Variants in PXDNL observed in about 807,000 individuals in gnomAD.
PXDNL encodes peroxidasin like.
Under a neutral mutation model 150.8 loss-of-function variants are expected in PXDNL, and 145 were observed. The observed-to-expected ratio is 0.96, with a 90% CI of 0.84 to 1.10. The LOEUF (loss-of-function observed/expected upper bound fraction) is 1.10. Among genes scored for constraint, PXDNL ranks in the 50% least tolerant of loss-of-function variants. PXDNL has a pLI of 0.00. For synonymous variants in PXDNL, 757 were observed against 725.7 expected (o/e 1.04, Z -0.69); for missense variants, 2,087 against 1,873.9 (o/e 1.11, Z -2.10).
chr8:51,361,065 G>A (rs1204940405), intron 19 of PXDNL, among the ~76,000 whole-genome samples: 1 of 152,182 alleles, frequency 6.6e-6, no homozygotes, highest in Non-Finnish European at 1.5e-5. Context: ...ATCCCTGCCA[G>A]GCCCACTGTG....
intron 3 of PXDNL, among the ~76,000 whole-genome samples, chr8:51,558,906 G>A (rs1002937415): frequency 6.6e-5 from 10 of 152,046 alleles, no homozygotes; most frequent in South Asian, 2.1e-4. Context: ...AATTATCAAC[G>A]GGCAGCCAAA....
chr8:51,453,810 G>T (rs771645867), intron 9 of PXDNL, 25 bp from the exon 10 acceptor site: 6 of 1,607,546 alleles, frequency 3.7e-6, no homozygotes, highest in Non-Finnish European at 5.1e-6. Context: ...GGAACAAAAC[G>T]AAATCCAGCA....
At chr8:51,386,463 A>G (rs1425441928) in intron 17 of PXDNL, among the ~76,000 whole-genome samples, 1 of 152,166 alleles carries the variant, frequency 6.6e-6, no homozygotes, top group Admixed American at 6.6e-5. Context: ...TAGATAGATG[A>G]CTGATAGAAA....
At chr8:51,736,035 G>T (rs574793339) in intron 1 of PXDNL, among the ~76,000 whole-genome samples, 2 of 152,186 alleles carry the variant, frequency 1.3e-5, no homozygotes, top group South Asian at 4.2e-4. Flanking sequence ...TTTAATTGAG[G>T]CCTGTACCCT....
chr8:51,769,636 G>A (rs756237352), intron 1 of PXDNL, among the ~76,000 whole-genome samples: 2 of 152,134 alleles, frequency 1.3e-5, no homozygotes, highest in Non-Finnish European at 2.9e-5. Flanking sequence ...AAGAAACTTA[G>A]AACCACCATG....
At chr8:51,513,216 G>GTGAGGCTGTGCTGCTCTCCAGA (rs1431713015) in intron 4 of PXDNL, among the ~76,000 whole-genome samples, 15 of 152,224 alleles carry the variant, frequency 9.9e-5, no homozygotes, top group African/African-American at 3.6e-4. Context: ...ATGCCCACAG[G>GTGAGGCTGTGCTGCTCTCCAGA]TGAGGCTGTG....
At chr8:51,652,771 C>T (rs28754342) in intron 2 of PXDNL, among the ~76,000 whole-genome samples, 7,186 of 152,192 alleles carry the variant, frequency 0.047, 203 homozygotes, top group African/African-American at 0.088. Context: ...TAAAATGAGG[C>T]TTGCAATTAA....
At chr8:51,546,787 A>G (rs1812369374) in intron 4 of PXDNL, among the ~76,000 whole-genome samples, 1 of 152,190 alleles carries the variant, frequency 6.6e-6, no homozygotes, top group South Asian at 2.1e-4. Flanking sequence ...CTGCATGGAT[A>G]TAAACTCAGT....
At chr8:51,452,935 A>AACACATATACACACACACAC (rs60146365) in intron 10 of PXDNL, among the ~76,000 whole-genome samples, 1 of 142,566 alleles carries the variant, frequency 7.0e-6, no homozygotes, top group Non-Finnish European at 1.5e-5. Context: ...CACACACACA[A>AACACATATACACACACACAC]ACACACACAC....
At chr8:51,657,207 A>T (rs1815170009) in intron 1 of PXDNL, among the ~76,000 whole-genome samples, 1 of 152,196 alleles carries the variant, frequency 6.6e-6, no homozygotes, top group African/African-American at 2.4e-5. Flanking sequence ...ACTAATGTAC[A>T]TTACATCAAA....
chr8:51,697,667 G>T (rs918974869), intron 1 of PXDNL, among the ~76,000 whole-genome samples: 2 of 152,166 alleles, frequency 1.3e-5, no homozygotes, highest in Non-Finnish European at 2.9e-5. Context: ...GGTGATGCAG[G>T]TCCCTAGAGC....
chr8:51,717,521 A>T (rs1331045821), intron 1 of PXDNL, among the ~76,000 whole-genome samples: 1 of 152,218 alleles, frequency 6.6e-6, no homozygotes, highest in African/African-American at 2.4e-5. Flanking sequence ...ACGAATGCTA[A>T]CATCCCACAT....
At chr8:51,625,822 T>A (rs1310844794) in intron 2 of PXDNL, among the ~76,000 whole-genome samples, 1 of 152,188 alleles carries the variant, frequency 6.6e-6, no homozygotes, top group Admixed American at 6.5e-5. Flanking sequence ...TAAAACAGAT[T>A]TTTTTAGTAC....
chr8:51,431,075 C>G (rs186091438), intron 12 of PXDNL, among the ~76,000 whole-genome samples: 4 of 152,310 alleles, frequency 2.6e-5, no homozygotes, highest in Admixed American at 2.0e-4. Flanking sequence ...AGGTATCATT[C>G]AATCCATACA....
chr8:51,739,588 T>C (rs2036881497), intron 1 of PXDNL, among the ~76,000 whole-genome samples: 2 of 152,020 alleles, frequency 1.3e-5, no homozygotes, highest in South Asian at 2.1e-4. Context: ...ATAAGATAAA[T>C]ACACAAAAAT....
intron 3 of PXDNL, among the ~76,000 whole-genome samples, chr8:51,561,425 A>G (rs996313776): frequency 6.6e-6 from 1 of 151,908 alleles, no homozygotes; most frequent in African/African-American, 2.4e-5. Flanking sequence ...CAGCCTTAGC[A>G]TTTCAGGAAG....
At chr8:51,378,377 T>TAGC (rs1807413576) in intron 17 of PXDNL, among the ~76,000 whole-genome samples, 1 of 152,226 alleles carries the variant, frequency 6.6e-6, no homozygotes, top group Non-Finnish European at 1.5e-5. Flanking sequence ...CTGCTCTGTC[T>TAGC]AGCTAATCTA....
At chr8:51,526,616 G>C (rs759552127) in intron 4 of PXDNL, among the ~76,000 whole-genome samples, 1 of 152,106 alleles carries the variant, frequency 6.6e-6, no homozygotes. Context: ...TGTTCTTCCT[G>C]TCACTGAAGC....
At chr8:51,775,926 T>A (rs1233451551) in intron 1 of PXDNL, among the ~76,000 whole-genome samples, 1 of 152,188 alleles carries the variant, frequency 6.6e-6, no homozygotes, top group Non-Finnish European at 1.5e-5. Flanking sequence ...AGGAGAAATA[T>A]CGCTGAATTC....
Sources: gnomAD v4.1 joint callset for allele counts (sites outside exome capture counted in the v4.1 genomes callset) on GRCh38, gnomAD v4.1.1 for gene constraint, MANE v1.5 for transcripts, NCBI Gene and HGNC (gene_info 2026-07-23, HGNC 2026-07-21) for gene names.